FBXL19: variants seen among roughly 807,000 people sequenced by gnomAD.
The protein encoded by FBXL19 is F-box/LRR-repeat protein 19.
Under a neutral mutation model 71.2 loss-of-function variants are expected in FBXL19, and 16 were observed. The ratio of observed to expected loss-of-function variants is 0.22; its 90% CI spans 0.15 to 0.34. The LOEUF (loss-of-function observed/expected upper bound fraction) is 0.34. FBXL19 is among the 10% of genes least tolerant of loss of function. The probability of loss-of-function intolerance (pLI) is 1.00; values close to 1 mark genes in which losing one functional copy is unlikely to be tolerated. For missense variants in FBXL19, 658 were observed against 968.2 expected (o/e 0.68, Z 4.25); for synonymous variants, 447 against 409.4 (o/e 1.09, Z -1.11).
rs1191952951 is a variant in FBXL19, at chr16:30,927,935, G to A, written c.599G>A (p.Gly200Glu). 6.5e-7 allele frequency: 1 copy of A among 1,537,188 alleles called. No individual in the cohort carries two copies. The highest frequency in any genetic ancestry group is 8.7e-7 in the Non-Finnish European group (1 of 1,149,898). Residue 200 changes from glycine (G) to glutamate (E), a missense_variant, in exon 5 of 11, where the codon GGG (glycine) becomes GAG (glutamate). Gly to Glu is a moderately conservative substitution (Grantham distance 98). This residue lies in a region of FBXL19 where 447 missense variants were observed against 515.4 expected (regional missense o/e 0.87). Coordinates refer to ENST00000338343, the MANE Select transcript of FBXL19 (RefSeq NM_001382779.1). ...GPPKRKEREAGNEPPTPRKKV... is the reference protein window; with the variant it reads ...GPPKRKEREAENEPPTPRKKV... ...CCCAAACGAAAGGAAAGGGAGGCAGGGAATGAGCCTCCCACCCCAAGGAAA... is the reference window on the plus strand; with the variant it reads ...CCCAAACGAAAGGAAAGGGAGGCAGAGAATGAGCCTCCCACCCCAAGGAAA...
In FBXL19 at chr16:30,947,685, G is replaced by A. The variant is rs2055876608; in HGVS notation, c.*455G>A. ...CCAGTTACTTGGAGTGGGGGGTGGG[G>A]GTGGGGCCACAAAAGGAAAACCGGA... On this transcript the variant is annotated 3_prime_UTR_variant, in exon 11 of 11. Transcript: ENST00000338343. 9.0e-6 allele frequency: 3 copies of A among 334,322 alleles called. No homozygotes were observed. Among genetic ancestry groups the A allele is most frequent in the Non-Finnish European group, 1.8e-5 (3 of 168,720 alleles). 20.7% of individuals were successfully genotyped at this position (334,322 alleles called of 1,614,324 possible).
chr16:30,936,035 C>A (rs955854130), intron 7 of FBXL19, among the ~76,000 whole-genome samples: 3 of 152,220 alleles, frequency 2.0e-5, no homozygotes, highest in African/African-American at 4.8e-5. Context: ...GGCCTACCGA[C>A]TGCACCAACC....
At chr16:30,928,412 A>G in intron 5 of FBXL19, 55 bp from the exon 6 acceptor site, 2 of 1,468,304 alleles carry the variant, frequency 1.4e-6, no homozygotes, top group Non-Finnish European at 1.8e-6. Flanking sequence ...TTTCTGGCCC[A>G]TGAGGGCCTA....
At chr16:30,941,485 A>G (rs1283427468) in intron 7 of FBXL19, among the ~76,000 whole-genome samples, 1 of 152,126 alleles carries the variant, frequency 6.6e-6, no homozygotes, top group Non-Finnish European at 1.5e-5. Context: ...TTTTTTTCAA[A>G]AAGTGGAAAA....
chr16:30,924,791 C>T (rs370175100), intron 1 of FBXL19: 2 of 1,451,602 alleles, frequency 1.4e-6, no homozygotes. Context: ...GGGAAGAGAC[C>T]CTCCAGGCTT....
intron 9 of FBXL19, among the ~76,000 whole-genome samples, chr16:30,944,115 C>T (rs937019513): frequency 6.7e-6 from 1 of 149,784 alleles, no homozygotes; most frequent in Non-Finnish European, 1.5e-5. Flanking sequence ...TCCATTTCCT[C>T]CTGCTGGAAT....
rs538512859 is a variant in FBXL19, at chr16:30,940,244, G to A, written c.1302-1872G>A. 5.3e-5 allele frequency among the ~76,000 whole-genome samples: 8 copies of A among 151,014 alleles called. No individual in the cohort carries two copies. In the East Asian group the frequency reaches 7.8e-4, roughly 15 times the overall value. Reference sequence around the variant, plus strand: ...TTGCACTCCAGCCTGGGCAACAAGAGCGAAACTCTGTCTCAAAAAAAAAAA... The same window carrying A: ...TTGCACTCCAGCCTGGGCAACAAGAACGAAACTCTGTCTCAAAAAAAAAAA... On this transcript the variant is annotated intron_variant, in intron 7 of 10. Coordinates refer to ENST00000338343, the MANE Select transcript of FBXL19 (RefSeq NM_001382779.1).
chr16:30,945,434 C>T (rs1180906074), intron 9 of FBXL19, among the ~76,000 whole-genome samples: 1 of 150,990 alleles, frequency 6.6e-6, no homozygotes, highest in African/African-American at 2.4e-5. Flanking sequence ...CCGAGGTGGG[C>T]AGATCACTTG....
Position 30,941,853 on chromosome 16 carries a change from G to A in FBXL19, c.1302-263G>A, listed in dbSNP as rs4405566. ...CAGCTGCCCTGTGGGCAGGCAGAGT[G>A]GGGGGGCTATTGCCTTCAATCATAA... On this transcript the variant is annotated intron_variant, in intron 7 of 10. Transcript: ENST00000338343. 4.6e-5 allele frequency among the ~76,000 whole-genome samples: 7 copies of A among 152,236 alleles called. No homozygotes were observed. In the East Asian group the frequency reaches 7.7e-4, roughly 17 times the overall value.
At chr16:30,943,335 G>C (rs191466947) in intron 9 of FBXL19, among the ~76,000 whole-genome samples, 2 of 149,992 alleles carry the variant, frequency 1.3e-5, no homozygotes, top group Non-Finnish European at 1.5e-5. Context: ...GCCTACAGGC[G>C]TGTGCCACCA....
intron 7 of FBXL19, among the ~76,000 whole-genome samples, chr16:30,935,969 G>A (rs1397877969): frequency 5.3e-5 from 8 of 152,094 alleles, no homozygotes; most frequent in South Asian, 4.1e-4. Flanking sequence ...GCTCCCTGTC[G>A]CCCTCACAAC....
chr16:30,927,738 C>T lies in FBXL19; in HGVS notation c.409-7C>T. The stretch of plus-strand genomic sequence containing the variant: ...AGGTCCTCACCCCCAGCTTCTGTCC[C>T]GCCTAGGATTCAGGTGAGGGGCCTG... On this transcript the variant is annotated splice_region_variant and splice_polypyrimidine_tract_variant and intron_variant, in intron 4 of 10. Coordinates refer to ENST00000338343, the MANE Select transcript of FBXL19 (RefSeq NM_001382779.1). The T allele has an allele frequency of 6.4e-7, 1 of 1,556,796 alleles. No homozygotes were observed. Among genetic ancestry groups the T allele is most frequent in the Non-Finnish European group, 8.7e-7 (1 of 1,150,610 alleles).
At position 30,947,129 on chromosome 16, in the gene FBXL19, T is replaced by C. The variant is rs1276993114; in HGVS notation, c.1924T>C (p.Cys642Arg). 6.3e-7 allele frequency: 1 copy of C among 1,599,732 alleles called. No individual in the cohort carries two copies. Among genetic ancestry groups the C allele is most frequent in the African/African-American group, 1.3e-5 (1 of 74,900 alleles). Residue 642 changes from cysteine to arginine, a missense_variant, in exon 11 of 11, where the codon TGC becomes CGC. By Grantham distance (180) the Cys-to-Arg change is radical. This residue lies in a region of FBXL19 where 69 missense variants were observed against 177.8 expected (regional missense o/e 0.39). Coordinates refer to ENST00000338343, the MANE Select transcript of FBXL19 (RefSeq NM_001382779.1). ...TCTACGCCGCCTAGACCTGCGCTCCTGCCGCCAGCTCTCACCCGAAGCTTG... is the reference window on the plus strand; with the variant it reads ...TCTACGCCGCCTAGACCTGCGCTCCCGCCGCCAGCTCTCACCCGAAGCTTG... ...PRLRRLDLRSCRQLSPEACAR... is the reference protein window; with the variant it reads ...PRLRRLDLRSRRQLSPEACAR...
At chr16:30,937,311 C>T (rs919422863) in intron 7 of FBXL19, among the ~76,000 whole-genome samples, 3 of 151,964 alleles carry the variant, frequency 2.0e-5, no homozygotes, top group South Asian at 2.1e-4. Context: ...ACACCCTCCT[C>T]CCCCTCCCCT....
At chr16:30,931,431 G>T (rs1023226855) in intron 7 of FBXL19, among the ~76,000 whole-genome samples, 14 of 152,238 alleles carry the variant, frequency 9.2e-5, no homozygotes, top group Admixed American at 7.2e-4. Flanking sequence ...AAGTGCCCAA[G>T]AAATGTTGCA....
intron 1 of FBXL19, chr16:30,924,866 A>G (rs2143300731): frequency 1.1e-6 from 1 of 949,960 alleles, no homozygotes; most frequent in Non-Finnish European, 1.5e-6. Flanking sequence ...GGGATTCTAG[A>G]TGATTAGGGA....
chr16:30,936,554 T>C (rs1320639207), intron 7 of FBXL19, among the ~76,000 whole-genome samples: 2 of 150,280 alleles, frequency 1.3e-5, no homozygotes, highest in Non-Finnish European at 3.0e-5. Flanking sequence ...GCCTCCTGAG[T>C]AACTGGGACT....
intron 7 of FBXL19, among the ~76,000 whole-genome samples, chr16:30,932,355 C>T (rs935207131): frequency 2.6e-5 from 4 of 152,230 alleles, no homozygotes; most frequent in Non-Finnish European, 2.9e-5. Flanking sequence ...GGGGATGACA[C>T]CTGCCTCATG....
chr16:30,947,974 C>G lies in FBXL19; in HGVS notation c.*744C>G. On this transcript the variant is annotated 3_prime_UTR_variant, in exon 11 of 11. Coordinates refer to ENST00000338343, the MANE Select transcript of FBXL19 (RefSeq NM_001382779.1). Reference sequence around the variant, plus strand: ...CCCAGGGGAGTGGCGAGGGGCGCCCCAACCCCCTGCCCGCCTCTCCGCACA... The same window carrying G: ...CCCAGGGGAGTGGCGAGGGGCGCCCGAACCCCCTGCCCGCCTCTCCGCACA... 2.5e-6 allele frequency: 1 copy of G among 402,308 alleles called. No individual in the cohort carries two copies. The highest frequency in any genetic ancestry group is 4.9e-6 in the Non-Finnish European group (1 of 202,832). 24.9% of individuals were successfully genotyped at this position (402,308 alleles called of 1,614,324 possible).
Sources: allele counts gnomAD v4.1 joint callset (sites outside exome capture counted in the v4.1 genomes callset), GRCh38; gene constraint gnomAD v4.1.1; regional missense constraint gnomAD v4.1.1; transcripts MANE v1.5; gene names NCBI Gene and HGNC (gene_info 2026-07-23, HGNC 2026-07-21).